The following CDH19 variants were observed in gnomAD, a reference collection of about 807,000 sequenced individuals.
CDH19 encodes cadherin 19.
CDH19 carries 67 observed loss-of-function variants against 64.2 expected under a neutral mutation model. That is an observed-to-expected ratio of 1.04 (90% CI 0.86 to 1.28). The LOEUF (loss-of-function observed/expected upper bound fraction) is 1.28. CDH19 is among the 50% of genes most tolerant of loss of function. The pLI, the probability that CDH19 is intolerant of heterozygous loss-of-function variation, is 0.00. For missense variants in CDH19, 1,030 were observed against 929.0 expected, an observed-to-expected ratio of 1.11 and a Z score of -1.41; for synonymous variants, 346 against 319.3, an observed-to-expected ratio of 1.08 and a Z score of -0.89.
In CDH19 at chr18:66,502,337, C is replaced by A. The variant is rs1984981049; in HGVS notation, c.*2475G>T. 1 of 151,974 alleles carries A rather than the reference C, an allele frequency of 6.6e-6. No individual in the cohort carries two copies. The highest frequency in any genetic ancestry group is 1.5e-5 in the Non-Finnish European group (1 of 67,958). 9.4% of individuals were successfully genotyped at this position (151,974 alleles called of 1,614,324 possible). On this transcript the variant is annotated 3_prime_UTR_variant, in exon 12 of 12. Coordinates refer to ENST00000262150, the MANE Select transcript of CDH19 (RefSeq NM_021153.4). ...ATCTTATAATCAACTCAACCAGAATCTATTTTAATATATCTCTTTAGTGCC... is the reference window on the plus strand; with the variant it reads ...ATCTTATAATCAACTCAACCAGAATATATTTTAATATATCTCTTTAGTGCC...
chr18:66,550,020 C>T (rs760619935), intron 5 of CDH19, among the ~76,000 whole-genome samples: 1 of 152,044 alleles, frequency 6.6e-6, no homozygotes, highest in African/African-American at 2.4e-5. Context: ...AAAAAGTAAT[C>T]AAAAGATAGT....
chr18:66,552,934 C>T (rs1987396048), intron 4 of CDH19, among the ~76,000 whole-genome samples: 1 of 133,512 alleles, frequency 7.5e-6, no homozygotes. Context: ...AGTTTCAACT[C>T]TTTCCCACCT....
intron 1 of CDH19, among the ~76,000 whole-genome samples, chr18:66,588,009 G>T (rs899330815): frequency 2.0e-5 from 3 of 152,164 alleles, no homozygotes; most frequent in African/African-American, 7.2e-5. Flanking sequence ...ATGTCATTTT[G>T]TTGAATTTCA....
At position 66,588,618 on chromosome 18, in the gene CDH19, ATC is replaced by A. The variant is rs1166617262; in HGVS notation, c.-113+15334_-113+15335del. Among the ~76,000 whole-genome samples the A allele has an allele frequency of 2.7e-3, 356 of 133,606 alleles. 50 individuals carry two copies. Among genetic ancestry groups the A allele is most frequent in the East Asian group, 8.8e-3 (42 of 4,766 alleles). 87.7% of individuals were successfully genotyped at this position (133,606 alleles called of 152,430 possible). A position where few individuals can be genotyped will look rare whatever the true frequency, so the allele number is the denominator to read the frequency against. Reference sequence around the variant, plus strand: ...ATTTTTACTAATCATATATATCTATATCTATATCTATATATATATAGATACAG... The same window carrying A: ...ATTTTTACTAATCATATATATCTATATATATCTATATATATATAGATACAG... On this transcript the variant is annotated intron_variant, in intron 1 of 11. Coordinates refer to ENST00000262150, the MANE Select transcript of CDH19 (RefSeq NM_021153.4).
intron 10 of CDH19, 60 bp downstream of exon 10, chr18:66,511,508 T>C (rs1207767422): frequency 4.1e-6 from 3 of 723,416 alleles, no homozygotes. Context: ...ATAAATTCCA[T>C]TAAAGTCTAA....
At chr18:66,567,891 A>G (rs1037583714) in intron 3 of CDH19, among the ~76,000 whole-genome samples, 2 of 151,838 alleles carry the variant, frequency 1.3e-5, no homozygotes, top group Non-Finnish European at 2.9e-5. Context: ...TATATTTAAA[A>G]TATTAACAAC....
intron 1 of CDH19, among the ~76,000 whole-genome samples, chr18:66,593,426 T>A (rs568217454): frequency 2.9e-4 from 44 of 152,098 alleles, no homozygotes; most frequent in African/African-American, 1.1e-3. Flanking sequence ...ATTGCTGAGA[T>A]AAGCCATGTA....
At chr18:66,523,593 C>T (rs186619940) in intron 9 of CDH19, among the ~76,000 whole-genome samples, 1 of 149,768 alleles carries the variant, frequency 6.7e-6, no homozygotes, top group East Asian at 2.0e-4. Flanking sequence ...AGGTCTGGAG[C>T]ACAGTGTTTA....
intron 3 of CDH19, among the ~76,000 whole-genome samples, chr18:66,559,385 C>T (rs1987637252): frequency 1.3e-5 from 2 of 151,916 alleles, no homozygotes; most frequent in South Asian, 4.1e-4. Context: ...AACTTTTCCT[C>T]TGCAATAATA....
intron 9 of CDH19, among the ~76,000 whole-genome samples, chr18:66,523,926 G>A (rs1390527855): frequency 6.6e-6 from 1 of 151,108 alleles, no homozygotes; most frequent in African/African-American, 2.4e-5. Flanking sequence ...GGGGGTTGGG[G>A]GGCGTAATTC....
intron 7 of CDH19, among the ~76,000 whole-genome samples, chr18:66,537,209 C>G: frequency 6.6e-6 from 1 of 151,846 alleles, no homozygotes; most frequent in Non-Finnish European, 1.5e-5. Flanking sequence ...AATGTAGAAT[C>G]CAATACGGCC....
chr18:66,514,035 C>A (rs1299458778), intron 9 of CDH19, among the ~76,000 whole-genome samples: 2 of 151,354 alleles, frequency 1.3e-5, no homozygotes, highest in East Asian at 3.9e-4. Context: ...CTGTTCTATA[C>A]ATTATCTTAG....
intron 9 of CDH19, among the ~76,000 whole-genome samples, chr18:66,527,180 G>T (rs1015691758): frequency 1.3e-5 from 2 of 151,294 alleles, no homozygotes; most frequent in African/African-American, 4.9e-5. Flanking sequence ...TATATATTAA[G>T]TTTTTTAGTA....
At position 66,546,654 on chromosome 18, in the gene CDH19, C is replaced by G. The variant is rs78755426; in HGVS notation, c.776-1751G>C. Among the ~76,000 whole-genome samples, 781 of 152,080 alleles carry G rather than the reference C, an allele frequency of 5.1e-3. 8 individuals carry two copies. The highest frequency in any genetic ancestry group is 0.018 in the African/African-American group (752 of 41,514). On this transcript the variant is annotated intron_variant, in intron 5 of 11. Transcript: ENST00000262150. ...CTCATATTCTTGATGATAAAACAGA[C>G]AGTAAATAAGATACTGGTATATAAG...
rs939786560 is a variant in CDH19, at chr18:66,604,035, A to T, written c.-194T>A. 1 of 151,878 alleles carries T rather than the reference A, an allele frequency of 6.6e-6. No individual in the cohort carries two copies. Among genetic ancestry groups the T allele is most frequent in the African/African-American group, 2.4e-5 (1 of 41,254 alleles). The allele number at this position is 151,878 out of a possible 1,614,324, so 9.4% of individuals were successfully genotyped here. A position where few individuals can be genotyped will look rare whatever the true frequency, so the allele number is the denominator to read the frequency against. On this transcript the variant is annotated 5_prime_UTR_variant, in exon 1 of 12. Transcript: ENST00000262150. ...GGACACATAAGGAAGAGTAGGAAAA[A>T]CTTTCTTCTTTTTGCTTCACAGTCT...
rs757720484 is a variant in CDH19 at position 66,502,245 on chromosome 18, A to G, written c.*2567T>C. The G allele has an allele frequency of 4.6e-5, 7 of 152,036 alleles. No individual in the cohort carries two copies. Among genetic ancestry groups the G allele is most frequent in the Admixed American group, 6.6e-5 (1 of 15,226 alleles). 9.4% of individuals were successfully genotyped at this position (152,036 alleles called of 1,614,324 possible). On this transcript the variant is annotated 3_prime_UTR_variant, in exon 12 of 12. Coordinates refer to ENST00000262150, the MANE Select transcript of CDH19 (RefSeq NM_021153.4). ...ATCTTTTGATGTGGTTAAAAGGAAC[A>G]TATTTTAGACTACCAAAGAGATGAG...
chr18:66,518,855 T>A (rs907637977), intron 9 of CDH19, among the ~76,000 whole-genome samples: 5 of 146,012 alleles, frequency 3.4e-5, no homozygotes, highest in African/African-American at 4.9e-5. Flanking sequence ...TTTATTTCAT[T>A]CCAGTCTAAT....
chr18:66,520,147 T>C (rs1210280571), intron 9 of CDH19, among the ~76,000 whole-genome samples: 2 of 152,030 alleles, frequency 1.3e-5, no homozygotes, highest in African/African-American at 4.8e-5. Flanking sequence ...ATTGCACTAC[T>C]GCACTCCAGC....
chr18:66,580,987 T>C (rs896335672), intron 1 of CDH19, among the ~76,000 whole-genome samples: 1 of 152,024 alleles, frequency 6.6e-6, no homozygotes, highest in South Asian at 2.1e-4. Context: ...ACCAGGCAAA[T>C]AAGAAAAAAT....
Sources: gnomAD v4.1 joint callset for allele counts (sites outside exome capture counted in the v4.1 genomes callset) on GRCh38, gnomAD v4.1.1 for gene constraint, MANE v1.5 for transcripts, NCBI Gene and HGNC (gene_info 2026-07-23, HGNC 2026-07-21) for gene names.